Variants in RB1 observed in about 807,000 individuals in gnomAD.
RB1 encodes the protein retinoblastoma-associated protein.
RB1 carries 18 observed loss-of-function variants against 135.4 expected under a neutral mutation model. The observed-to-expected ratio is 0.13, with a 90% CI of 0.09 to 0.20. The LOEUF (loss-of-function observed/expected upper bound fraction) is 0.20, where lower values mean the gene tolerates loss of function less well. RB1 is among the 10% of genes least tolerant of loss of function. RB1 has a pLI of 1.00. For missense variants in RB1, 868 were observed against 1,110.0 expected, an observed-to-expected ratio of 0.78 and a Z score of 3.10; for synonymous variants, 365 against 373.2, an observed-to-expected ratio of 0.98 and a Z score of 0.25.
chr13:48,371,147 C>T lies in RB1; in HGVS notation c.1128-2258C>T, dbSNP rs527909932. Reference sequence around the variant, plus strand: ...TATGAAGGGCCTTATATGCCATACTCACAAATTTGGAGTGTAGCATGTGCA... The same window carrying T: ...TATGAAGGGCCTTATATGCCATACTTACAAATTTGGAGTGTAGCATGTGCA... On this transcript the variant is annotated intron_variant, in intron 11 of 26. Coordinates refer to ENST00000267163, the MANE Select transcript of RB1 (RefSeq NM_000321.3). 1.1e-3 allele frequency among the ~76,000 whole-genome samples: 170 copies of T among 152,238 alleles called. 1 individual carries two copies. Among genetic ancestry groups the T allele is most frequent in the Non-Finnish European group, 1.1e-3 (76 of 68,018 alleles).
At chr13:48,381,626 T>TA (rs544452267) in intron 17 of RB1, among the ~76,000 whole-genome samples, 183 bp downstream of exon 17, 1 of 152,214 alleles carries the variant, frequency 6.6e-6, no homozygotes, top group Non-Finnish European at 1.5e-5. Context: ...TCGAGCACCC[T>TA]AAACCATCTA....
chr13:48,454,376 T>C (rs1301291026), intron 18 of RB1, among the ~76,000 whole-genome samples: 1 of 152,250 alleles, frequency 6.6e-6, no homozygotes, highest in Non-Finnish European at 1.5e-5. Context: ...CCAAAGTGTT[T>C]CTGGCATATG....
intron 17 of RB1, among the ~76,000 whole-genome samples, chr13:48,433,510 T>A (rs1314851624): frequency 6.6e-6 from 1 of 152,132 alleles, no homozygotes; most frequent in East Asian, 1.9e-4. Context: ...AAAATTTTTG[T>A]TCAGAGAATT....
chr13:48,328,546 G>T, intron 2 of RB1: 1 of 723,866 alleles, frequency 1.4e-6, no homozygotes. Flanking sequence ...CTCCTCTCCC[G>T]CCTTCCCATC....
chr13:48,456,128 A>G (rs2138330672), intron 18 of RB1, 76 bp from the exon 19 acceptor site: 1 of 1,593,632 alleles, frequency 6.3e-7, no homozygotes. Flanking sequence ...ATCTGGGTGT[A>G]CAACCTTGAA....
At chr13:48,421,414 C>G (rs1232376957) in intron 17 of RB1, among the ~76,000 whole-genome samples, 1 of 152,152 alleles carries the variant, frequency 6.6e-6, no homozygotes, top group African/African-American at 2.4e-5. Flanking sequence ...CATGAAAACC[C>G]TAGAAGAAAA....
At chr13:48,436,741 A>C (rs147267682) in intron 17 of RB1, among the ~76,000 whole-genome samples, 4 of 152,298 alleles carry the variant, frequency 2.6e-5, no homozygotes, top group Admixed American at 2.6e-4. Context: ...TAAAATGGAA[A>C]AGATCTTCAG....
At chr13:48,316,268 G>A (rs944990535) in intron 2 of RB1, among the ~76,000 whole-genome samples, 3 of 151,890 alleles carry the variant, frequency 2.0e-5, no homozygotes, top group Admixed American at 2.0e-4. Context: ...CCAGGGGGGC[G>A]GTGGGGGGCG....
At chr13:48,476,041 G>A (rs987555203) in intron 24 of RB1, among the ~76,000 whole-genome samples, 1 of 152,140 alleles carries the variant, frequency 6.6e-6, no homozygotes, top group African/African-American at 2.4e-5. Flanking sequence ...TTTAGTTTTT[G>A]TTAAATTGTA....
At chr13:48,334,473 A>G (rs1189930093) in intron 2 of RB1, among the ~76,000 whole-genome samples, 3 of 152,158 alleles carry the variant, frequency 2.0e-5, no homozygotes, top group Non-Finnish European at 4.4e-5. Context: ...TATTTCATTT[A>G]ATGTAACCCT....
chr13:48,385,353 C>A (rs1948564163), intron 17 of RB1, among the ~76,000 whole-genome samples: 1 of 152,258 alleles, frequency 6.6e-6, no homozygotes, highest in East Asian at 1.9e-4. Context: ...GACCACTATA[C>A]TACCTGTTTG....
intron 17 of RB1, among the ~76,000 whole-genome samples, chr13:48,399,019 T>C (rs1948669943): frequency 6.6e-6 from 1 of 152,078 alleles, no homozygotes; most frequent in African/African-American, 2.4e-5. Context: ...CAAACTATAT[T>C]ATAAAAGTAA....
intron 12 of RB1, among the ~76,000 whole-genome samples, chr13:48,374,331 A>T (rs1226016274): frequency 6.6e-6 from 1 of 152,284 alleles, no homozygotes; most frequent in East Asian, 1.9e-4. Flanking sequence ...TCAGATGAGG[A>T]TTGGGACCCA....
chr13:48,411,973 C>T lies in RB1; in HGVS notation c.1695+30530C>T, dbSNP rs776012380. On this transcript the variant is annotated intron_variant, in intron 17 of 26. Coordinates refer to ENST00000267163, the MANE Select transcript of RB1 (RefSeq NM_000321.3). Reference sequence around the variant, plus strand: ...GAGTGGGTAGACTGAACAAAAACGGCGGGTGCACTTCCTCCGATCACAGTT... The same window carrying T: ...GAGTGGGTAGACTGAACAAAAACGGTGGGTGCACTTCCTCCGATCACAGTT... The T allele has an allele frequency of 1.9e-5, 30 of 1,600,038 alleles. No homozygotes were observed. The highest frequency in any genetic ancestry group is 5.2e-5 in the Admixed American group (3 of 57,702).
chr13:48,318,860 G>T, intron 2 of RB1: 2 of 1,091,878 alleles, frequency 1.8e-6, no homozygotes, highest in Admixed American at 1.7e-5. Flanking sequence ...ATGCCTTGAG[G>T]GTCAAAACGT....
intron 7 of RB1, chr13:48,360,421 T>A: frequency 3.1e-6 from 1 of 327,006 alleles, no homozygotes; most frequent in Non-Finnish European, 5.3e-6. Context: ...GAAGTAGTAT[T>A]TGAAATTAAC....
At chr13:48,324,192 T>C (rs1952265025) in intron 2 of RB1, among the ~76,000 whole-genome samples, 1 of 152,154 alleles carries the variant, frequency 6.6e-6, no homozygotes, top group South Asian at 2.1e-4. Flanking sequence ...TTATCATTTA[T>C]TTGTGTTAGG....
At chr13:48,352,909 A>G (rs1952560219) in intron 6 of RB1, among the ~76,000 whole-genome samples, 2 of 152,150 alleles carry the variant, frequency 1.3e-5, no homozygotes, top group African/African-American at 4.8e-5. Context: ...GAGTGGTGAA[A>G]AAGGGCATCC....
rs4151610 is a variant in RB1, at chr13:48,473,315, A to T, written c.2490-45A>T. On this transcript the variant is annotated intron_variant, in intron 23 of 26. Coordinates refer to ENST00000267163, the MANE Select transcript of RB1 (RefSeq NM_000321.3). ...TTTATGCTCATCTCTGCAAAATTGT[A>T]TATGGTTTTTTATTACTAATTGGTA... 1 of 1,477,942 alleles carries T rather than the reference A, an allele frequency of 6.8e-7. No individual in the cohort carries two copies. Among genetic ancestry groups the T allele is most frequent in the Non-Finnish European group, 9.4e-7 (1 of 1,059,702 alleles). The allele number at this position is 1,477,942 out of a possible 1,614,324, so 91.6% of individuals were successfully genotyped here.
Sources: allele counts gnomAD v4.1 joint callset (sites outside exome capture counted in the v4.1 genomes callset), GRCh38; gene constraint gnomAD v4.1.1; transcripts MANE v1.5; gene names NCBI Gene and HGNC (gene_info 2026-07-23, HGNC 2026-07-21).